NCAM2: variants seen among roughly 807,000 people sequenced by gnomAD.
NCAM2 encodes neural cell adhesion molecule 2.
Under a neutral mutation model 98.1 loss-of-function variants are expected in NCAM2, and 30 were observed. The ratio of observed to expected loss-of-function variants is 0.31; its 90% CI spans 0.23 to 0.41. The LOEUF (loss-of-function observed/expected upper bound fraction) is 0.41, where lower values mean the gene tolerates loss of function less well. Ranked by LOEUF, NCAM2 falls within the 10% of genes least tolerant of loss-of-function variation. The pLI, the probability that NCAM2 is intolerant of heterozygous loss-of-function variation, is 1.00. For synonymous variants in NCAM2, 368 were observed against 342.4 expected, an observed-to-expected ratio of 1.07 and a Z score of -0.83; for missense variants, 867 against 1,005.8, an observed-to-expected ratio of 0.86 and a Z score of 1.87.
intron 1 of NCAM2, among the ~76,000 whole-genome samples, chr21:21,103,974 A>G (rs1051251362): frequency 6.6e-6 from 1 of 152,102 alleles, no homozygotes; most frequent in Non-Finnish European, 1.5e-5. Flanking sequence ...TTTTCAGTGT[A>G]TTGACTCAGG....
intron 1 of NCAM2, among the ~76,000 whole-genome samples, chr21:21,169,349 A>G (rs568860437): frequency 6.7e-4 from 102 of 152,264 alleles, no homozygotes; most frequent in Middle Eastern, 3.4e-3. Flanking sequence ...TAGAAAGAAG[A>G]TAACAGGATA....
chr21:21,148,785 G>A (rs919834081), intron 1 of NCAM2, among the ~76,000 whole-genome samples: 1 of 152,102 alleles, frequency 6.6e-6, no homozygotes, highest in Non-Finnish European at 1.5e-5. Flanking sequence ...ACCTGAAGGA[G>A]AATTAGGAAA....
chr21:21,286,528 A>C, intron 4 of NCAM2, 116 bp downstream of exon 4: 1 of 1,139,680 alleles, frequency 8.8e-7, no homozygotes, highest in Non-Finnish European at 1.2e-6. Flanking sequence ...AATATTCAAC[A>C]ACTATTTTGA....
intron 1 of NCAM2, among the ~76,000 whole-genome samples, chr21:21,254,898 TTGTG>T (rs34003442): frequency 0.049 from 7,236 of 147,402 alleles, 594 homozygotes; most frequent in African/African-American, 0.17. Context: ...GGATAATAGT[TTGTG>T]TGTGTGTGTG....
chr21:21,348,496 T>C (rs1218574544), intron 8 of NCAM2, among the ~76,000 whole-genome samples: 1 of 152,222 alleles, frequency 6.6e-6, no homozygotes, highest in East Asian at 1.9e-4. Flanking sequence ...ATTGGAAGAA[T>C]CAATATTTTT....
intron 5 of NCAM2, among the ~76,000 whole-genome samples, chr21:21,294,129 C>T (rs754544293): frequency 4.0e-5 from 6 of 150,870 alleles, no homozygotes; most frequent in African/African-American, 1.5e-4. Context: ...TGACAGACAC[C>T]GCAATTATTT....
intron 1 of NCAM2, among the ~76,000 whole-genome samples, chr21:21,120,771 T>G (rs2066657004): frequency 6.7e-6 from 1 of 150,080 alleles, no homozygotes; most frequent in Admixed American, 6.7e-5. Flanking sequence ...CAGGCTGGAG[T>G]GCAGTGGCGC....
chr21:21,274,907 T>A (rs1016434924), intron 1 of NCAM2, among the ~76,000 whole-genome samples: 1 of 152,142 alleles, frequency 6.6e-6, no homozygotes, highest in African/African-American at 2.4e-5. Flanking sequence ...ATAAACTCAT[T>A]TTAAATGCCA....
chr21:21,127,642 C>T (rs988903564), intron 1 of NCAM2, among the ~76,000 whole-genome samples: 2 of 152,082 alleles, frequency 1.3e-5, no homozygotes, highest in African/African-American at 4.8e-5. Flanking sequence ...CTGATAATCA[C>T]TATTCTACTC....
chr21:21,201,487 C>T (rs745385995), intron 1 of NCAM2, among the ~76,000 whole-genome samples: 1 of 152,126 alleles, frequency 6.6e-6, no homozygotes, highest in African/African-American at 2.4e-5. Context: ...CTATGAAATT[C>T]TGACAAACTA....
chr21:21,063,210 CTTTTTTTTT>C lies in NCAM2; in HGVS notation c.55+64612_55+64620del, dbSNP rs11325446. Among the ~76,000 whole-genome samples the C allele has an allele frequency of 7.4e-4, 49 of 66,112 alleles. 1 individual carries two copies. In the East Asian group the frequency reaches 8.1e-3, roughly 11 times the overall value. 43.4% of individuals were successfully genotyped at this position (66,112 alleles called of 152,430 possible). On this transcript the variant is annotated intron_variant, in intron 1 of 17. Coordinates refer to ENST00000400546, the MANE Select transcript of NCAM2 (RefSeq NM_004540.5). The stretch of plus-strand genomic sequence containing the variant: ...TCATAGCACTGTTTATCTTTACATT[CTTTTTTTTT>C]TTTTTTTTTTTTTTTTTTTGAGCCG...
chr21:21,487,391 A>AT (rs5842932), intron 15 of NCAM2, among the ~76,000 whole-genome samples: 4,003 of 150,472 alleles, frequency 0.027, 205 homozygotes, highest in African/African-American at 0.093. Context: ...CCATCCAATG[A>AT]TTTTTTTTTC....
At chr21:21,287,173 T>C (rs1297467560) in intron 4 of NCAM2, among the ~76,000 whole-genome samples, 1 of 151,990 alleles carries the variant, frequency 6.6e-6, no homozygotes, top group Non-Finnish European at 1.5e-5. Context: ...ATTTTTTCAA[T>C]GCACCTGCAC....
chr21:21,484,129 T>TA (rs1277580184), intron 15 of NCAM2, among the ~76,000 whole-genome samples: 18 of 152,120 alleles, frequency 1.2e-4, no homozygotes, highest in Admixed American at 1.2e-3. Flanking sequence ...AAATGAAAGA[T>TA]ATTCACATAT....
chr21:21,142,762 A>G (rs934056269), intron 1 of NCAM2, among the ~76,000 whole-genome samples: 2 of 152,198 alleles, frequency 1.3e-5, no homozygotes, highest in Admixed American at 6.5e-5. Flanking sequence ...ATAAAGTTGT[A>G]TATTAACACA....
chr21:21,294,160 C>T (rs903974914), intron 5 of NCAM2, among the ~76,000 whole-genome samples: 2 of 151,272 alleles, frequency 1.3e-5, no homozygotes, highest in African/African-American at 2.4e-5. Context: ...CTAATATTTT[C>T]TTTAATATAT....
At chr21:21,075,114 A>T (rs906096313) in intron 1 of NCAM2, among the ~76,000 whole-genome samples, 2 of 152,108 alleles carry the variant, frequency 1.3e-5, no homozygotes, top group Non-Finnish European at 2.9e-5. Flanking sequence ...GCATGTTCTC[A>T]CTCATAAGTG....
chr21:21,067,806 A>G (rs1030118720), intron 1 of NCAM2, among the ~76,000 whole-genome samples: 2 of 152,190 alleles, frequency 1.3e-5, no homozygotes, highest in Middle Eastern at 3.2e-3. Flanking sequence ...GAATCAGTAT[A>G]TGTTTTCTTT....
At chr21:21,142,323 CTACAAAT>C (rs1480732035) in intron 1 of NCAM2, among the ~76,000 whole-genome samples, 3 of 149,630 alleles carry the variant, frequency 2.0e-5, no homozygotes, top group Admixed American at 6.7e-5. Flanking sequence ...TATTTAATAA[CTACAAAT>C]ATATGTTTAA....
Sources: gnomAD v4.1 joint callset for allele counts (sites outside exome capture counted in the v4.1 genomes callset) on GRCh38, gnomAD v4.1.1 for gene constraint, MANE v1.5 for transcripts, NCBI Gene and HGNC (gene_info 2026-07-23, HGNC 2026-07-21) for gene names.